The following RNF220 variants were observed in gnomAD, a reference collection of about 807,000 sequenced individuals.
RNF220 encodes the protein ring finger protein 220, also known as E3 ubiquitin-protein ligase RNF220.
A neutral mutation model predicts 67.1 loss-of-function variants in RNF220; 7 were observed. The observed-to-expected ratio is 0.10, with a 90% CI of 0.06 to 0.20. The LOEUF (loss-of-function observed/expected upper bound fraction) is 0.20, where lower values mean the gene tolerates loss of function less well. Among genes scored for constraint, RNF220 ranks in the 10% least tolerant of loss-of-function variants. The pLI is 1.00. For missense variants in RNF220, 565 were observed against 740.3 expected, an observed-to-expected ratio of 0.76 and a Z score of 2.75; for synonymous variants, 270 against 283.2, an observed-to-expected ratio of 0.95 and a Z score of 0.47.
intron 2 of RNF220, among the ~76,000 whole-genome samples, chr1:44,599,890 G>A (rs542554539): frequency 6.6e-6 from 1 of 152,150 alleles, no homozygotes; most frequent in Non-Finnish European, 1.5e-5. Flanking sequence ...TGAATGATAG[G>A]ATCTGATTTG....
intron 1 of RNF220, among the ~76,000 whole-genome samples, chr1:44,411,627 A>G (rs1194944875): frequency 1.3e-5 from 2 of 152,162 alleles, no homozygotes; most frequent in Non-Finnish European, 2.9e-5. Context: ...GCACTTTAAA[A>G]CATAGACCCC....
At chr1:44,525,947 G>T (rs1440575844) in intron 2 of RNF220, among the ~76,000 whole-genome samples, 1 of 152,072 alleles carries the variant, frequency 6.6e-6, no homozygotes, top group Non-Finnish European at 1.5e-5. Flanking sequence ...ATCTGTTTTT[G>T]ACCTCCGTTA....
At chr1:44,426,765 T>G (rs1649825853) in intron 2 of RNF220, among the ~76,000 whole-genome samples, 1 of 151,876 alleles carries the variant, frequency 6.6e-6, no homozygotes, top group Admixed American at 6.6e-5. Flanking sequence ...AAAAAGACTT[T>G]ACTTGTGCGG....
In RNF220 at chr1:44,509,884, C is replaced by CAAAAAAAAAA. The variant is rs1557996558; in HGVS notation, c.625+97162_625+97163insAAAAAAAAAA. On this transcript the variant is annotated intron_variant, in intron 2 of 14. Transcript: ENST00000361799. ...CCTGGGTGACAGAGCGAGACCCTGTCCAAAAAAAAAAAAAAAAAAAAAGGA... is the reference window on the plus strand; with the variant it reads ...CCTGGGTGACAGAGCGAGACCCTGTCAAAAAAAAAACAAAAAAAAAAAAAAAAAAAAAGGA... Among the ~76,000 whole-genome samples, 202 of 80,394 alleles carry CAAAAAAAAAA rather than the reference C, an allele frequency of 2.5e-3. 28 individuals are homozygous for CAAAAAAAAAA. The highest frequency in any genetic ancestry group is 8.0e-3 in the African/African-American group (169 of 21,254). 52.7% of individuals were successfully genotyped at this position (80,394 alleles called of 152,430 possible). A position where few individuals can be genotyped will look rare whatever the true frequency, so the allele number is the denominator to read the frequency against.
intron 2 of RNF220, among the ~76,000 whole-genome samples, chr1:44,586,201 T>C (rs1665680248): frequency 6.6e-6 from 1 of 152,202 alleles, no homozygotes; most frequent in South Asian, 2.1e-4. Flanking sequence ...CTTAACATGT[T>C]TCACTGGAGG....
At chr1:44,479,738 G>A (rs764941680) in intron 2 of RNF220, among the ~76,000 whole-genome samples, 7 of 152,164 alleles carry the variant, frequency 4.6e-5, no homozygotes, top group Non-Finnish European at 8.8e-5. Flanking sequence ...TTGGAGATGA[G>A]AAAGTTTTAT....
chr1:44,575,748 C>A (rs902561019), intron 2 of RNF220, among the ~76,000 whole-genome samples: 6 of 152,120 alleles, frequency 3.9e-5, no homozygotes, highest in African/African-American at 2.4e-5. Context: ...TGGAGATTCT[C>A]AAAAAACTGA....
At chr1:44,483,081 C>G (rs963134480) in intron 2 of RNF220, among the ~76,000 whole-genome samples, 3 of 151,954 alleles carry the variant, frequency 2.0e-5, no homozygotes, top group Non-Finnish European at 2.9e-5. Context: ...CAGGTGCACA[C>G]CATCGCGCCT....
intron 2 of RNF220, among the ~76,000 whole-genome samples, chr1:44,552,032 G>A (rs376036234): frequency 1.3e-5 from 2 of 152,194 alleles, no homozygotes; most frequent in East Asian, 3.8e-4. Context: ...CTAGTGCCTG[G>A]TATATGCCAC....
intron 2 of RNF220, among the ~76,000 whole-genome samples, chr1:44,607,538 G>A (rs1381095288): frequency 2.4e-4 from 36 of 150,834 alleles, no homozygotes. Context: ...CCAGGCTGGA[G>A]TGCAGTGGTG....
intron 5 of RNF220, chr1:44,631,904 C>A (rs1644139396): frequency 1.0e-6 from 1 of 986,054 alleles, no homozygotes; most frequent in Non-Finnish European, 1.2e-6. Context: ...GGTCTCTGTC[C>A]GGCCGCCCCC....
chr1:44,481,482 A>G (rs1157021601), intron 2 of RNF220, among the ~76,000 whole-genome samples: 1 of 152,194 alleles, frequency 6.6e-6, no homozygotes, highest in African/African-American at 2.4e-5. Flanking sequence ...TGAGAGTTGA[A>G]CAATGAGAAC....
intron 2 of RNF220, among the ~76,000 whole-genome samples, chr1:44,443,161 G>A (rs1333767942): frequency 6.6e-6 from 1 of 152,182 alleles, no homozygotes; most frequent in African/African-American, 2.4e-5. Flanking sequence ...TGGATGTCGT[G>A]TGGGCACTGA....
At chr1:44,593,086 A>T (rs548298807) in intron 2 of RNF220, among the ~76,000 whole-genome samples, 1 of 152,292 alleles carries the variant, frequency 6.6e-6, no homozygotes, top group South Asian at 2.1e-4. Context: ...CACAGAACAG[A>T]TCCAGGAGCA....
chr1:44,471,631 C>T (rs1197212860), intron 2 of RNF220, among the ~76,000 whole-genome samples: 2 of 152,090 alleles, frequency 1.3e-5, no homozygotes, highest in East Asian at 3.9e-4. Flanking sequence ...CGAGACCAGC[C>T]TGGCTAACAT....
intron 2 of RNF220, among the ~76,000 whole-genome samples, chr1:44,413,787 G>A (rs1648240542): frequency 1.3e-5 from 2 of 151,734 alleles, no homozygotes; most frequent in African/African-American, 2.4e-5. Flanking sequence ...CCACCAACAC[G>A]AATACCATTT....
chr1:44,588,852 A>C (rs540623170), intron 2 of RNF220, among the ~76,000 whole-genome samples: 30 of 152,288 alleles, frequency 2.0e-4, no homozygotes, highest in African/African-American at 7.0e-4. Context: ...TCTTCCTGCC[A>C]TCAGTTTCTA....
intron 2 of RNF220, among the ~76,000 whole-genome samples, chr1:44,523,228 C>T (rs1432926280): frequency 6.6e-6 from 1 of 152,176 alleles, no homozygotes; most frequent in Non-Finnish European, 1.5e-5. Context: ...GCTGATGGCT[C>T]CCCGAGCACT....
chr1:44,456,025 C>T (rs1653137577), intron 2 of RNF220, among the ~76,000 whole-genome samples: 1 of 152,126 alleles, frequency 6.6e-6, no homozygotes, highest in South Asian at 2.1e-4. Flanking sequence ...TCTTGTGATG[C>T]TTGTGAAAAT....
Sources: gnomAD v4.1 joint callset for allele counts (sites outside exome capture counted in the v4.1 genomes callset) on GRCh38, gnomAD v4.1.1 for gene constraint, MANE v1.5 for transcripts, NCBI Gene and HGNC (gene_info 2026-07-23, HGNC 2026-07-21) for gene names.